The following TMEFF2 variants were observed in gnomAD, a reference collection of about 807,000 sequenced individuals.
The protein encoded by TMEFF2 is tomoregulin-2.
TMEFF2 carries 28 observed loss-of-function variants against 53.8 expected under a neutral mutation model. The observed-to-expected ratio is 0.52, with a 90% CI of 0.39 to 0.71. The LOEUF (loss-of-function observed/expected upper bound fraction) is 0.71, where lower values mean the gene tolerates loss of function less well. Among genes scored for constraint, TMEFF2 ranks in the 30% least tolerant of loss-of-function variants. The probability of loss-of-function intolerance (pLI) is 0.00; values close to 1 mark genes in which losing one functional copy is unlikely to be tolerated. For synonymous variants in TMEFF2, 162 were observed against 166.3 expected, an observed-to-expected ratio of 0.97 and a Z score of 0.20; for missense variants, 353 against 455.2, an observed-to-expected ratio of 0.78 and a Z score of 2.04.
intron 4 of TMEFF2, among the ~76,000 whole-genome samples, chr2:192,070,757 G>C (rs1437212819): frequency 2.6e-5 from 4 of 151,890 alleles, no homozygotes; most frequent in African/African-American, 9.7e-5. Context: ...TAATAACAAG[G>C]TGTAACCACA....
At chr2:191,969,131 G>A in intron 7 of TMEFF2, among the ~76,000 whole-genome samples, 1 of 103,742 alleles carries the variant, frequency 9.6e-6, no homozygotes, top group Non-Finnish European at 2.0e-5. Flanking sequence ...GTGTATGTGT[G>A]TGTGTATCTA....
At chr2:192,029,106 C>T (rs1048120208) in intron 5 of TMEFF2, 5 of 37,708 alleles carry the variant, frequency 1.3e-4, no homozygotes, top group Admixed American at 8.0e-4. Context: ...ACTCTGGCAT[C>T]CACCTCTTCT....
At chr2:192,039,305 G>A (rs1369974040) in intron 5 of TMEFF2, among the ~76,000 whole-genome samples, 1 of 152,158 alleles carries the variant, frequency 6.6e-6, no homozygotes, top group Non-Finnish European at 1.5e-5. Context: ...TTGGTAGTAG[G>A]AAGTCTTATA....
chr2:192,069,972 G>GTT (rs1688249539), intron 4 of TMEFF2, among the ~76,000 whole-genome samples: 1 of 11,978 alleles, frequency 8.3e-5, no homozygotes, highest in African/African-American at 1.7e-4. Flanking sequence ...AAATGTGTGT[G>GTT]TGTGTGTGTG....
chr2:192,100,192 T>G (rs530599350), intron 4 of TMEFF2, among the ~76,000 whole-genome samples: 1 of 152,282 alleles, frequency 6.6e-6, no homozygotes, highest in East Asian at 1.9e-4. Flanking sequence ...CTGGTTTTAC[T>G]TAAAATACAC....
Position 191,950,595 on chromosome 2 carries a change from A to G in TMEFF2, c.1029-188T>C. The G allele has an allele frequency of 6.0e-6, 5 of 830,056 alleles. 1 individual carries two copies. The South Asian group carries it at 7.8e-5, about 13-fold the overall frequency. The allele number at this position is 830,056 out of a possible 1,614,324, so 51.4% of individuals were successfully genotyped here. ...TTTGCTTTTCTGTGCAGTTGTCTTT[A>G]AATTTTTGTTGGGAATTGAACACAG... On this transcript the variant is annotated intron_variant, in intron 9 of 9. Transcript: ENST00000272771.
intron 4 of TMEFF2, among the ~76,000 whole-genome samples, chr2:192,163,232 G>A (rs1690677272): frequency 6.6e-6 from 1 of 152,128 alleles, no homozygotes; most frequent in South Asian, 2.1e-4. Context: ...GCAAATATAG[G>A]TAAAGCGCTA....
intron 4 of TMEFF2, among the ~76,000 whole-genome samples, chr2:192,140,329 C>T (rs1690106946): frequency 6.6e-6 from 1 of 152,154 alleles, no homozygotes; most frequent in Non-Finnish European, 1.5e-5. Flanking sequence ...TGGTGCCTGG[C>T]AGATACAGGC....
intron 5 of TMEFF2, among the ~76,000 whole-genome samples, chr2:192,044,757 C>T (rs1374138847): frequency 6.6e-6 from 1 of 152,146 alleles, no homozygotes; most frequent in Non-Finnish European, 1.5e-5. Context: ...GCCCTGATAT[C>T]TTCTGTGGAT....
chr2:192,072,915 A>C (rs1174345832), intron 4 of TMEFF2, among the ~76,000 whole-genome samples: 8 of 151,950 alleles, frequency 5.3e-5, no homozygotes, highest in Non-Finnish European at 1.2e-4. Flanking sequence ...CAAGTACTCC[A>C]AATGAAGAGG....
intron 4 of TMEFF2, among the ~76,000 whole-genome samples, chr2:192,138,766 G>A (rs1010779005): frequency 6.6e-6 from 1 of 152,136 alleles, no homozygotes; most frequent in African/African-American, 2.4e-5. Context: ...GCAAAGAGGA[G>A]CTTATTCCTG....
rs539082494 is a variant in TMEFF2, at chr2:192,161,264, G to C, written c.439+18404C>G. Among the ~76,000 whole-genome samples the C allele has an allele frequency of 2.0e-5, 3 of 152,212 alleles. No homozygotes were observed. In the South Asian group the frequency reaches 6.2e-4, roughly 32 times the overall value. The stretch of plus-strand genomic sequence containing the variant: ...GCTCAGTGCAACCTCCGCCTTCCGT[G>C]TTCAAGCGATTCTCCCTAGTAGCTG... On this transcript the variant is annotated intron_variant, in intron 4 of 9. Coordinates refer to ENST00000272771, the MANE Select transcript of TMEFF2 (RefSeq NM_016192.4).
At chr2:192,123,799 C>T (rs80113433) in intron 4 of TMEFF2, among the ~76,000 whole-genome samples, 2,977 of 152,216 alleles carry the variant, frequency 0.02, 117 homozygotes, top group African/African-American at 0.068. Flanking sequence ...TATTGTTAAT[C>T]GATTTTCCTA....
intron 4 of TMEFF2, among the ~76,000 whole-genome samples, chr2:192,076,756 T>A (rs926123785): frequency 6.6e-6 from 1 of 152,160 alleles, no homozygotes; most frequent in Non-Finnish European, 1.5e-5. Context: ...GATTTTGATA[T>A]TGTGGAACTC....
chr2:192,062,416 G>T (rs1210952319), intron 4 of TMEFF2, among the ~76,000 whole-genome samples: 1 of 152,154 alleles, frequency 6.6e-6, no homozygotes, highest in Non-Finnish European at 1.5e-5. Flanking sequence ...TATCTGGGTT[G>T]TTTTCAGTTA....
At chr2:192,023,479 CCAAAAG>C (rs1384768608) in intron 5 of TMEFF2, among the ~76,000 whole-genome samples, 1 of 152,000 alleles carries the variant, frequency 6.6e-6, no homozygotes, top group Non-Finnish European at 1.5e-5. Flanking sequence ...ATTTTTTTCT[CCAAAAG>C]CAACATCAAT....
chr2:192,192,506 C>T (rs945651050), intron 1 of TMEFF2, among the ~76,000 whole-genome samples: 1 of 152,124 alleles, frequency 6.6e-6, no homozygotes, highest in African/African-American at 2.4e-5. Flanking sequence ...GATAAACAGG[C>T]ACAGTGTTTT....
intron 4 of TMEFF2, among the ~76,000 whole-genome samples, chr2:192,080,757 C>G (rs1287933943): frequency 6.6e-6 from 1 of 152,076 alleles, no homozygotes; most frequent in African/African-American, 2.4e-5. Context: ...CATACATGTA[C>G]TTATTAGGCT....
intron 5 of TMEFF2, among the ~76,000 whole-genome samples, chr2:192,023,676 G>T (rs1159015334): frequency 3.4e-5 from 3 of 88,042 alleles, no homozygotes; most frequent in African/African-American, 1.0e-4. Flanking sequence ...TCATATCTCT[G>T]TCTGTCTGTT....
Sources: allele counts gnomAD v4.1 joint callset (sites outside exome capture counted in the v4.1 genomes callset), GRCh38; gene constraint gnomAD v4.1.1; transcripts MANE v1.5; gene names NCBI Gene and HGNC (gene_info 2026-07-23, HGNC 2026-07-21).